Variants in ABCC1 observed in about 807,000 individuals in gnomAD.
ABCC1 encodes the protein ATP binding cassette subfamily C member 1 (ABCC1 blood group).
A neutral mutation model predicts 172.9 loss-of-function variants in ABCC1; 83 were observed. The observed-to-expected ratio is 0.48, with a 90% CI of 0.40 to 0.58. ABCC1 has a LOEUF of 0.58. Among genes scored for constraint, ABCC1 ranks in the 20% least tolerant of loss-of-function variants. ABCC1 has a pLI of 0.00. For missense variants in ABCC1, 1,817 were observed against 2,002.7 expected (o/e 0.91, Z 1.77); for synonymous variants, 937 against 825.2 (o/e 1.14, Z -2.32).
intron 19 of ABCC1, among the ~76,000 whole-genome samples, chr16:16,099,707 C>T (rs1374698350): frequency 6.6e-6 from 1 of 152,146 alleles, no homozygotes; most frequent in Non-Finnish European, 1.5e-5. Flanking sequence ...CAGACAGTGC[C>T]CACCTTGGCT....
intron 1 of ABCC1, among the ~76,000 whole-genome samples, chr16:15,970,584 A>G (rs1178747430): frequency 6.6e-6 from 1 of 150,884 alleles, no homozygotes; most frequent in African/African-American, 2.5e-5. Flanking sequence ...GAGGAAGGCC[A>G]CTGTGGCTGG....
intron 27 of ABCC1, among the ~76,000 whole-genome samples, chr16:16,133,273 C>T (rs2045774141): frequency 6.6e-6 from 1 of 152,176 alleles, no homozygotes; most frequent in Non-Finnish European, 1.5e-5. Context: ...TTGAACTGTT[C>T]CTACGTACCT....
intron 21 of ABCC1, among the ~76,000 whole-genome samples, chr16:16,107,414 T>G (rs1249782594): frequency 6.6e-6 from 1 of 152,056 alleles, no homozygotes; most frequent in Non-Finnish European, 1.5e-5. Context: ...CTCAGCCTCC[T>G]GAGTAGCTGG....
chr16:15,955,360 AAAAAG>A (rs933430199), intron 1 of ABCC1, among the ~76,000 whole-genome samples: 9 of 152,282 alleles, frequency 5.9e-5, no homozygotes, highest in African/African-American at 2.2e-4. Flanking sequence ...TGTCTCAAAA[AAAAAG>A]AAAACAGCCA....
chr16:16,046,203 A>C (rs150935951), intron 9 of ABCC1, among the ~76,000 whole-genome samples, 190 bp downstream of exon 9: 2 of 152,140 alleles, frequency 1.3e-5, no homozygotes, highest in Non-Finnish European at 2.9e-5. Flanking sequence ...GCTGATTTCA[A>C]GGGTGGGCGT....
chr16:15,992,117 C>T lies in ABCC1; in HGVS notation c.49-15699C>T, dbSNP rs971647058. On this transcript the variant is annotated intron_variant, in intron 1 of 30. Coordinates refer to ENST00000399410, the MANE Select transcript of ABCC1 (RefSeq NM_004996.4). Reference sequence around the variant, plus strand: ...CGCGAACCCTGCTGTGAACCGTGTGCGCGAGGGATCCAGGCTGTGTGCTTC... The same window carrying T: ...CGCGAACCCTGCTGTGAACCGTGTGTGCGAGGGATCCAGGCTGTGTGCTTC... Among the ~76,000 whole-genome samples, 10 of 152,006 alleles carry T rather than the reference C, an allele frequency of 6.6e-5. No homozygotes were observed. The South Asian group carries it at 8.3e-4, about 13-fold the overall frequency.
At chr16:16,079,289 A>G in intron 15 of ABCC1, 63 bp from the exon 16 acceptor site, 2 of 1,591,962 alleles carry the variant, frequency 1.3e-6, no homozygotes, top group Non-Finnish European at 1.7e-6. Context: ...CTCGGTGGCC[A>G]TGGGCATTAG....
At chr16:16,083,737 G>A (rs1456836415) in intron 17 of ABCC1, among the ~76,000 whole-genome samples, 195 bp downstream of exon 17, 2 of 152,176 alleles carry the variant, frequency 1.3e-5, no homozygotes, top group Non-Finnish European at 2.9e-5. Context: ...CTCACTTACA[G>A]AGCTTTTGCT....
intron 12 of ABCC1, among the ~76,000 whole-genome samples, chr16:16,061,502 A>G (rs1208490961): frequency 6.6e-6 from 1 of 152,206 alleles, no homozygotes; most frequent in East Asian, 1.9e-4. Context: ...GGCATTGCGA[A>G]GTGTCCCCTT....
At chr16:16,096,303 G>C (rs924712141) in intron 19 of ABCC1, among the ~76,000 whole-genome samples, 16 of 151,828 alleles carry the variant, frequency 1.1e-4, no homozygotes, top group African/African-American at 3.6e-4. Context: ...AAGGGGAGCT[G>C]TTGTTAGCTT....
intron 9 of ABCC1, among the ~76,000 whole-genome samples, chr16:16,046,418 C>T (rs1210305053): frequency 6.6e-6 from 1 of 152,000 alleles, no homozygotes; most frequent in East Asian, 1.9e-4. Flanking sequence ...GATATTGGCT[C>T]ACTGCAACTT....
intron 26 of ABCC1, among the ~76,000 whole-genome samples, chr16:16,127,561 A>G (rs1485057066): frequency 6.6e-6 from 1 of 152,200 alleles, no homozygotes; most frequent in Non-Finnish European, 1.5e-5. Flanking sequence ...TGAGACAAAA[A>G]GCTGAAGTTA....
At chr16:16,111,610 T>C (rs1412569278) in intron 22 of ABCC1, 28 bp downstream of exon 22, 5 of 1,591,272 alleles carry the variant, frequency 3.1e-6, no homozygotes, top group Non-Finnish European at 3.4e-6. Context: ...CCACCCCGCC[T>C]GATTTGGGCC....
Position 16,122,115 on chromosome 16 carries a change from G to T in ABCC1, c.3531G>T (p.Gln1177His), listed in dbSNP as rs1021755591. Residue 1177 changes from glutamine to histidine, a missense_variant, in exon 24 of 31, where the codon CAG becomes CAT. By Grantham distance (24) the Gln-to-His change is conservative. Around this residue, in one of 3 missense-constraint regions of ABCC1, gnomAD observed 1,412 missense variants for 1,600.3 expected, o/e 0.88. Transcript: ENST00000399410. ...AFEEQERFIH[Q>H]SDLKVDENQK... Reference sequence around the variant, plus strand: ...AGGAGCAGGAGCGCTTCATCCACCAGAGTGACCTGAAGGTGGACGAGAACC... The same window carrying T: ...AGGAGCAGGAGCGCTTCATCCACCATAGTGACCTGAAGGTGGACGAGAACC... 6.2e-7 allele frequency: 1 copy of T among 1,614,108 alleles called. No individual in the cohort carries two copies. Among genetic ancestry groups the T allele is most frequent in the Non-Finnish European group, 8.5e-7 (1 of 1,180,056 alleles).
At chr16:16,076,748 C>T (rs780612704) in intron 15 of ABCC1, among the ~76,000 whole-genome samples, 6 of 152,174 alleles carry the variant, frequency 3.9e-5, no homozygotes, top group Non-Finnish European at 7.3e-5. Context: ...GAACTTTCTT[C>T]ATATTTTCTG....
chr16:16,082,795 A>C (rs748841380), intron 16 of ABCC1, among the ~76,000 whole-genome samples: 2 of 152,132 alleles, frequency 1.3e-5, no homozygotes, highest in Non-Finnish European at 2.9e-5. Context: ...CTACAGATGC[A>C]CAGCGCCATG....
At chr16:16,088,671 C>T (rs2889518) in intron 18 of ABCC1, among the ~76,000 whole-genome samples, 37,252 of 151,800 alleles carry the variant, frequency 0.25, 5,924 homozygotes, top group African/African-American at 0.46. Flanking sequence ...TATCAGTGTC[C>T]ATAAATAAAA....
chr16:16,117,185 GT>G (rs2044921983), intron 23 of ABCC1, among the ~76,000 whole-genome samples: 2 of 152,326 alleles, frequency 1.3e-5, no homozygotes, highest in South Asian at 2.1e-4. Flanking sequence ...AAGGAAAGAG[GT>G]TTAATTGACT....
chr16:15,994,795 G>T (rs1470462995), intron 1 of ABCC1, among the ~76,000 whole-genome samples: 8 of 149,672 alleles, frequency 5.3e-5, no homozygotes, highest in Admixed American at 1.3e-4. Flanking sequence ...ATGAAGTCTT[G>T]CTCTGTTGCC....
Sources: allele counts gnomAD v4.1 joint callset (sites outside exome capture counted in the v4.1 genomes callset), GRCh38; gene constraint gnomAD v4.1.1; regional missense constraint gnomAD v4.1.1; transcripts MANE v1.5; gene names NCBI Gene and HGNC (gene_info 2026-07-23, HGNC 2026-07-21).